MAP2K5: variants seen among roughly 807,000 people sequenced by gnomAD.
MAP2K5 encodes mitogen-activated protein kinase kinase 5, also known as dual specificity mitogen-activated protein kinase kinase 5.
MAP2K5 carries 49 observed loss-of-function variants against 83.1 expected under a neutral mutation model. That is an observed-to-expected ratio of 0.59 (90% CI 0.47 to 0.75). MAP2K5 has a LOEUF of 0.75. Among genes scored for constraint, MAP2K5 ranks in the 30% least tolerant of loss-of-function variants. The pLI, the probability that MAP2K5 is intolerant of heterozygous loss-of-function variation, is 0.00. For synonymous variants in MAP2K5, 202 were observed against 191.8 expected, an observed-to-expected ratio of 1.05 and a Z score of -0.44; for missense variants, 457 against 557.5, an observed-to-expected ratio of 0.82 and a Z score of 1.82.
Position 67,587,890 on chromosome 15 carries a change from G to A in MAP2K5, c.431+977G>A, listed in dbSNP as rs181470087. Among the ~76,000 whole-genome samples the A allele has an allele frequency of 4.6e-4, 70 of 152,254 alleles. No homozygotes were observed. In the East Asian group the frequency reaches 0.011, roughly 25 times the overall value. ...CCCACACTTGTGGGTTCTACCTTCT[G>A]AGTAGCTCTGCGTCTTTCTACTCGC... On this transcript the variant is annotated intron_variant, in intron 6 of 21. Coordinates refer to ENST00000178640, the MANE Select transcript of MAP2K5 (RefSeq NM_145160.3). The surrounding 1 kb of genome is among the most constrained non-coding windows in gnomAD (Gnocchi z 4.8).
chr15:67,731,368 A>T (rs79137260), intron 17 of MAP2K5, among the ~76,000 whole-genome samples: 1 of 152,156 alleles, frequency 6.6e-6, no homozygotes, highest in East Asian at 1.9e-4. Context: ...TAAAGGTTAA[A>T]GGGCTGGGTT....
Position 67,657,985 on chromosome 15 carries a change from A to G in MAP2K5, c.737-568A>G, listed in dbSNP as rs376096819. 2.2e-4 allele frequency among the ~76,000 whole-genome samples: 33 copies of G among 152,182 alleles called. No individual in the cohort carries two copies. The South Asian group carries it at 6.6e-3, about 31-fold the overall frequency. ...TTTTTAGCCTCTGATAGGAAAAAAT[A>G]TTTGTCAAATACTCTGGAATACAAT... On this transcript the variant is annotated intron_variant, in intron 11 of 21. Coordinates refer to ENST00000178640, the MANE Select transcript of MAP2K5 (RefSeq NM_145160.3).
chr15:67,549,886 G>T, intron 1 of MAP2K5, 148 bp from the exon 2 acceptor site: 1 of 620,388 alleles, frequency 1.6e-6, no homozygotes. Flanking sequence ...ACGTTGCTGG[G>T]CTAAGTGTGA....
At chr15:67,567,498 G>C (rs945209322) in intron 3 of MAP2K5, among the ~76,000 whole-genome samples, 2 of 151,802 alleles carry the variant, frequency 1.3e-5, no homozygotes, top group African/African-American at 4.8e-5. Context: ...CCGAGTAGCT[G>C]GGACTACAGG....
intron 16 of MAP2K5, among the ~76,000 whole-genome samples, chr15:67,714,663 ATATT>A (rs1465135258): frequency 6.6e-6 from 1 of 152,184 alleles, no homozygotes; most frequent in East Asian, 1.9e-4. Flanking sequence ...TTCTTTTTAA[ATATT>A]TAGTTTCAAG....
At chr15:67,567,490 G>A (rs374700043) in intron 3 of MAP2K5, among the ~76,000 whole-genome samples, 2 of 150,030 alleles carry the variant, frequency 1.3e-5, no homozygotes, top group Non-Finnish European at 1.5e-5. Flanking sequence ...TCAGCCTCCC[G>A]AGTAGCTGGG....
rs192163046 is a variant in MAP2K5 at position 67,690,034 on chromosome 15, T to G, written c.848-2445T>G. 1.3e-5 allele frequency among the ~76,000 whole-genome samples: 2 copies of G among 152,286 alleles called. No individual in the cohort carries two copies. Among genetic ancestry groups the G allele is most frequent in the South Asian group, 4.1e-4 (2 of 4,830 alleles). Reference sequence around the variant, plus strand: ...ATTTTTGTGTGTGTGCCATTTTTTTTAAATCTCTTCAGCTATTGTTAGTGT... The same window carrying G: ...ATTTTTGTGTGTGTGCCATTTTTTTGAAATCTCTTCAGCTATTGTTAGTGT... On this transcript the variant is annotated intron_variant, in intron 13 of 21. Coordinates refer to ENST00000178640, the MANE Select transcript of MAP2K5 (RefSeq NM_145160.3). This position sits in a 1 kb window ranked among gnomAD's most constrained non-coding sequence, Gnocchi z 4.3.
chr15:67,677,705 A>G lies in MAP2K5; in HGVS notation c.847+13060A>G, dbSNP rs1181846352. ...TGGCTTTTCCTAAACACTGACCAGA[A>G]TATGTACACATCACAGGTAGGAATC... On this transcript the variant is annotated intron_variant, in intron 13 of 21. Coordinates refer to ENST00000178640, the MANE Select transcript of MAP2K5 (RefSeq NM_145160.3). The surrounding 1 kb of genome is among the most constrained non-coding windows in gnomAD (Gnocchi z 4.2). Among the ~76,000 whole-genome samples the G allele has an allele frequency of 6.6e-6, 1 of 152,212 alleles. No individual in the cohort carries two copies. The highest frequency in any genetic ancestry group is 1.5e-5 in the Non-Finnish European group (1 of 68,042).
At chr15:67,674,143 G>A (rs753700788) in intron 13 of MAP2K5, among the ~76,000 whole-genome samples, 11 of 152,070 alleles carry the variant, frequency 7.2e-5, no homozygotes, top group African/African-American at 2.2e-4. Flanking sequence ...CACCGTGCCC[G>A]GCCCCAAACA....
chr15:67,574,643 C>T lies in MAP2K5; in HGVS notation c.253-6111C>T, dbSNP rs1313553097. On this transcript the variant is annotated intron_variant, in intron 3 of 21. Transcript: ENST00000178640. ...CAGCACTTTGGGAGGCCGAGGTGGGCGAATCACGAAGTAAAGAGATCGAGA... is the reference window on the plus strand; with the variant it reads ...CAGCACTTTGGGAGGCCGAGGTGGGTGAATCACGAAGTAAAGAGATCGAGA... 2.5e-4 allele frequency among the ~76,000 whole-genome samples: 37 copies of T among 149,334 alleles called. No individual in the cohort carries two copies. In the East Asian group the frequency reaches 3.8e-3, roughly 15 times the overall value.
At chr15:67,646,814 T>C (rs1260944477) in intron 11 of MAP2K5, among the ~76,000 whole-genome samples, 5 of 152,210 alleles carry the variant, frequency 3.3e-5, no homozygotes, top group Non-Finnish European at 7.4e-5. Context: ...CCAAAACAGA[T>C]TTTCTTTTAA....
chr15:67,625,423 A>G (rs757175210), intron 8 of MAP2K5, among the ~76,000 whole-genome samples: 13 of 152,256 alleles, frequency 8.5e-5, no homozygotes, highest in Non-Finnish European at 1.5e-4. Context: ...CCATGCAGTC[A>G]TTGAATCAGG....
In MAP2K5 at chr15:67,702,939, A is replaced by G. The variant is rs947564349; in HGVS notation, c.973-398A>G. Reference sequence around the variant, plus strand: ...CAAAATGCAAATAAGTGATAATATCATATAATGTTGTGTAATTTGTTACTC... The same window carrying G: ...CAAAATGCAAATAAGTGATAATATCGTATAATGTTGTGTAATTTGTTACTC... On this transcript the variant is annotated intron_variant, in intron 15 of 21. Transcript: ENST00000178640. The surrounding 1 kb of genome is among the most constrained non-coding windows in gnomAD (Gnocchi z 4.6). Among the ~76,000 whole-genome samples the G allele has an allele frequency of 1.8e-4, 27 of 152,244 alleles. No homozygotes were observed. Among genetic ancestry groups the G allele is most frequent in the African/African-American group, 6.3e-4 (26 of 41,472 alleles).
At chr15:67,553,346 G>A (rs545520539) in intron 2 of MAP2K5, among the ~76,000 whole-genome samples, 2 of 152,292 alleles carry the variant, frequency 1.3e-5, no homozygotes, top group African/African-American at 4.8e-5. Context: ...ACTACTCCAG[G>A]TTTACGTTCT....
rs568857078 is a variant in MAP2K5, at chr15:67,636,889, A to G, written c.585+5962A>G. ...TTTGAGTCAGTGGGCTGGGAGAGGC[A>G]GACCCACCTGCAATCTGGGTGGGCA... On this transcript the variant is annotated intron_variant, in intron 9 of 21. Transcript: ENST00000178640. The surrounding 1 kb of genome is among the most constrained non-coding windows in gnomAD (Gnocchi z 4.7). 3.7e-4 allele frequency among the ~76,000 whole-genome samples: 57 copies of G among 152,322 alleles called. No individual in the cohort carries two copies. The highest frequency in any genetic ancestry group is 1.1e-3 in the Admixed American group (17 of 15,298).
chr15:67,549,421 A>G (rs965674881), intron 1 of MAP2K5, among the ~76,000 whole-genome samples: 1 of 152,230 alleles, frequency 6.6e-6, no homozygotes, highest in Non-Finnish European at 1.5e-5. Flanking sequence ...TAAATGTGGC[A>G]TAATGGGTTT....
At position 67,552,090 on chromosome 15, in the gene MAP2K5, G is replaced by A. The variant is rs2084522403; in HGVS notation, c.184+2008G>A. ...CTTGGGTTGGTGGGGGCGGGAGGGG[G>A]TGGATGAATGATCACACTTTTTACT... On this transcript the variant is annotated intron_variant, in intron 2 of 21. Coordinates refer to ENST00000178640, the MANE Select transcript of MAP2K5 (RefSeq NM_145160.3). The surrounding 1 kb of genome is among the most constrained non-coding windows in gnomAD (Gnocchi z 4.2). Among the ~76,000 whole-genome samples the A allele has an allele frequency of 6.6e-6, 1 of 151,716 alleles. No homozygotes were observed. Among genetic ancestry groups the A allele is most frequent in the African/African-American group, 2.4e-5 (1 of 41,240 alleles).
chr15:67,699,457 C>T (rs969367171), intron 15 of MAP2K5, among the ~76,000 whole-genome samples: 8 of 152,214 alleles, frequency 5.3e-5, no homozygotes, highest in African/African-American at 1.7e-4. Flanking sequence ...GAGGAGGCAT[C>T]TGGAACTAAG....
At chr15:67,578,995 GA>G (rs1298414341) in intron 3 of MAP2K5, among the ~76,000 whole-genome samples, 43 of 152,176 alleles carry the variant, frequency 2.8e-4, no homozygotes, top group African/African-American at 9.7e-4. Flanking sequence ...AGTAGTAACT[GA>G]AATTACTAGC....
Sources: gnomAD v4.1 joint callset for allele counts (sites outside exome capture counted in the v4.1 genomes callset) on GRCh38, gnomAD v4.1.1 for gene constraint, Gnocchi (gnomAD v3.1) non-coding constraint, MANE v1.5 for transcripts, NCBI Gene and HGNC (gene_info 2026-07-23, HGNC 2026-07-21) for gene names.